MTHFD1L: variants seen among roughly 807,000 people sequenced by gnomAD.
MTHFD1L encodes methylenetetrahydrofolate dehydrogenase (NADP+ dependent) 1 like.
A neutral mutation model predicts 119.5 loss-of-function variants in MTHFD1L; 81 were observed. The observed-to-expected ratio is 0.68, with a 90% CI of 0.57 to 0.82. The LOEUF (loss-of-function observed/expected upper bound fraction) is 0.82. MTHFD1L is among the 40% of genes least tolerant of loss of function. The pLI, the probability that MTHFD1L is intolerant of heterozygous loss-of-function variation, is 0.00. For missense variants in MTHFD1L, 1,125 were observed against 1,253.4 expected, an observed-to-expected ratio of 0.90 and a Z score of 1.55; for synonymous variants, 430 against 475.2, an observed-to-expected ratio of 0.90 and a Z score of 1.24.
chr6:151,028,830 C>T (rs1202872385), intron 24 of MTHFD1L, among the ~76,000 whole-genome samples: 1 of 152,152 alleles, frequency 6.6e-6, no homozygotes, highest in East Asian at 1.9e-4. Flanking sequence ...AATCCCAGCA[C>T]TTTGGAAGTC....
intron 24 of MTHFD1L, chr6:151,016,768 CTT>C (rs757274955): frequency 0.011 from 2,298 of 215,858 alleles, no homozygotes; most frequent in South Asian, 0.015. Flanking sequence ...CTATCTTAGC[CTT>C]TTTTTTTTTT....
chr6:150,939,091 T>A (rs1792627854), intron 13 of MTHFD1L: 1 of 249,594 alleles, frequency 4.0e-6, no homozygotes, highest in African/African-American at 2.2e-5. Context: ...TTCAAAAAAT[T>A]CAGAATCTTG....
chr6:150,891,340 A>G (rs1204670960), intron 7 of MTHFD1L, among the ~76,000 whole-genome samples: 1 of 151,776 alleles, frequency 6.6e-6, no homozygotes, highest in African/African-American at 2.4e-5. Flanking sequence ...TTGCAGAAGG[A>G]TGTATTTCAT....
chr6:150,951,033 G>GTTTTTTTTTT lies in MTHFD1L; in HGVS notation c.1726+1901_1726+1910dup, dbSNP rs562283052. On this transcript the variant is annotated intron_variant, in intron 16 of 27. Transcript: ENST00000367321. ...CTAAAATCTCCTTGGAAACTTTATGGTTTTTTTTTTGTTTTTTTTTTGAGA... is the reference window on the plus strand; with the variant it reads ...CTAAAATCTCCTTGGAAACTTTATGGTTTTTTTTTTTTTTTTTTTTGTTTTTTTTTTGAGA... Among the ~76,000 whole-genome samples the GTTTTTTTTTT allele has an allele frequency of 5.6e-5, 7 of 125,924 alleles. 2 individuals are homozygous for GTTTTTTTTTT. The highest frequency in any genetic ancestry group is 6.8e-5 in the Non-Finnish European group (4 of 58,712). The allele number at this position is 125,924 out of a possible 152,430, so 82.6% of individuals were successfully genotyped here.
chr6:151,013,750 A>G, intron 21 of MTHFD1L, 29 bp from the exon 22 acceptor site: 1 of 1,592,612 alleles, frequency 6.3e-7, no homozygotes, highest in South Asian at 1.1e-5. Context: ...TTATAGGATT[A>G]TTCTTCATGT....
chr6:150,998,177 T>A (rs1349830536), intron 20 of MTHFD1L, among the ~76,000 whole-genome samples: 3 of 152,222 alleles, frequency 2.0e-5, no homozygotes, highest in African/African-American at 4.8e-5. Flanking sequence ...AAATGCTGGT[T>A]GAAATTCTGT....
chr6:151,037,258 C>G, intron 26 of MTHFD1L, 141 bp downstream of exon 26: 1 of 945,880 alleles, frequency 1.1e-6, no homozygotes, highest in Non-Finnish European at 1.6e-6. Context: ...CGCTATTTTT[C>G]TAAACACTGT....
intron 8 of MTHFD1L, among the ~76,000 whole-genome samples, chr6:150,908,440 A>G (rs1309929139): frequency 6.6e-6 from 1 of 151,576 alleles, no homozygotes; most frequent in Non-Finnish European, 1.5e-5. Context: ...CCTGGCCAAC[A>G]TGGTGAAACT....
At chr6:150,948,940 T>C in intron 15 of MTHFD1L, 91 bp from the exon 16 acceptor site, 3 of 1,092,752 alleles carry the variant, frequency 2.7e-6, no homozygotes, top group Non-Finnish European at 4.0e-6. Context: ...TTACCAATCA[T>C]GGAGAAAATA....
chr6:150,879,652 C>T (rs1249020287), intron 4 of MTHFD1L, among the ~76,000 whole-genome samples: 6 of 120,192 alleles, frequency 5.0e-5, no homozygotes, highest in African/African-American at 1.7e-4. Context: ...TTTTCTGAGA[C>T]GGAGTCTCAC....
chr6:150,880,396 T>C (rs2128751884), intron 4 of MTHFD1L, among the ~76,000 whole-genome samples: 1 of 152,368 alleles, frequency 6.6e-6, no homozygotes, highest in Admixed American at 6.5e-5. Flanking sequence ...CTTCATGTTA[T>C]GTCCTCCAGG....
intron 24 of MTHFD1L, among the ~76,000 whole-genome samples, chr6:151,026,762 T>A (rs1176923152): frequency 6.6e-6 from 1 of 151,176 alleles, no homozygotes; most frequent in Non-Finnish European, 1.5e-5. Context: ...CATTTCACCT[T>A]GGCTTCTGCC....
intron 21 of MTHFD1L, among the ~76,000 whole-genome samples, chr6:151,013,483 C>T (rs549238631): frequency 6.6e-6 from 1 of 152,328 alleles, no homozygotes; most frequent in Non-Finnish European, 1.5e-5. Context: ...AAGTTTCATA[C>T]TGTTCCATTG....
chr6:150,926,592 T>C lies in MTHFD1L; in HGVS notation c.1256+297T>C, dbSNP rs1300790606. On this transcript the variant is annotated intron_variant, in intron 11 of 27. Coordinates refer to ENST00000367321, the MANE Select transcript of MTHFD1L (RefSeq NM_015440.5). The surrounding 1 kb of genome is among the most constrained non-coding windows in gnomAD (Gnocchi z 4.3). The stretch of plus-strand genomic sequence containing the variant: ...ACTTTTTGAATTTCATTTTTCATTA[T>C]AAAAATCAAAATAGGAATTGAAAGT... Among the ~76,000 whole-genome samples, 2 of 152,232 alleles carry C rather than the reference T, an allele frequency of 1.3e-5. No individual in the cohort carries two copies. Among genetic ancestry groups the C allele is most frequent in the Non-Finnish European group, 2.9e-5 (2 of 68,032 alleles).
intron 10 of MTHFD1L, among the ~76,000 whole-genome samples, chr6:150,922,935 C>T (rs1300267643): frequency 1.3e-5 from 2 of 152,138 alleles, no homozygotes; most frequent in Middle Eastern, 3.2e-3. Context: ...TGAGCGACCA[C>T]GCCTGGCCTG....
Position 150,866,826 on chromosome 6 carries a change from C to T in MTHFD1L, c.227+777C>T, listed in dbSNP as rs910169427. Reference sequence around the variant, plus strand: ...CCGGTCCCCGCCCCTGGGCTCCAGCCTTCCCCGCCCTCGCCCAGAGGGGCG... The same window carrying T: ...CCGGTCCCCGCCCCTGGGCTCCAGCTTTCCCCGCCCTCGCCCAGAGGGGCG... On this transcript the variant is annotated intron_variant, in intron 1 of 27. Coordinates refer to ENST00000367321, the MANE Select transcript of MTHFD1L (RefSeq NM_015440.5). Among the ~76,000 whole-genome samples the T allele has an allele frequency of 4.6e-5, 7 of 152,306 alleles. No individual in the cohort carries two copies. In the Middle Eastern group the frequency reaches 0.01, roughly 222 times the overall value.
chr6:151,023,883 A>G lies in MTHFD1L; in HGVS notation c.2586+8190A>G, dbSNP rs1436306587. On this transcript the variant is annotated intron_variant, in intron 24 of 27. Transcript: ENST00000367321. ...TCCCTCCCCAGGCTTTCTGACTTAA[A>G]TTTAGATCACATGAGACCATTGCAG... Among the ~76,000 whole-genome samples, 3 of 152,196 alleles carry G rather than the reference A, an allele frequency of 2.0e-5. No individual in the cohort carries two copies. In the East Asian group the frequency reaches 5.8e-4, roughly 29 times the overall value.
chr6:150,904,531 A>G (rs61175828), intron 7 of MTHFD1L, among the ~76,000 whole-genome samples: 3,857 of 152,244 alleles, frequency 0.025, 139 homozygotes, highest in African/African-American at 0.087. Flanking sequence ...GGAATATTCA[A>G]TGGTGTAATA....
Position 151,072,405 on chromosome 6 carries a change from TAAC to T in MTHFD1L, c.2848-20061_2848-20059del, listed in dbSNP as rs546081704. Among the ~76,000 whole-genome samples the T allele has an allele frequency of 1.1e-4, 16 of 152,276 alleles. No individual in the cohort carries two copies. The East Asian group carries it at 2.9e-3, about 28-fold the overall frequency. ...ACTTTAATTAGATGCAGTTGAATAA[TAAC>T]CTAAAAAATCTTCATAGTCTATAAA... On this transcript the variant is annotated intron_variant, in intron 26 of 27. Transcript: ENST00000367321.
Sources: gnomAD v4.1 joint callset for allele counts (sites outside exome capture counted in the v4.1 genomes callset) on GRCh38, gnomAD v4.1.1 for gene constraint, Gnocchi (gnomAD v3.1) non-coding constraint, MANE v1.5 for transcripts, NCBI Gene and HGNC (gene_info 2026-07-23, HGNC 2026-07-21) for gene names.